The following PTK2 variants were observed in gnomAD, a reference collection of about 807,000 sequenced individuals.
PTK2 encodes focal adhesion kinase 1.
A neutral mutation model predicts 150.1 loss-of-function variants in PTK2; 45 were observed. The observed-to-expected ratio is 0.30, with a 90% CI of 0.24 to 0.38. The LOEUF is 0.38. Ranked by LOEUF, PTK2 falls within the 10% of genes least tolerant of loss-of-function variation. The pLI, the probability that PTK2 is intolerant of heterozygous loss-of-function variation, is 1.00. For synonymous variants in PTK2, 432 were observed against 449.2 expected (o/e 0.96, Z 0.48); for missense variants, 919 against 1,307.3 (o/e 0.70, Z 4.58).
chr8:140,696,641 T>C (rs1444130662), intron 26 of PTK2, among the ~76,000 whole-genome samples: 1 of 151,820 alleles, frequency 6.6e-6, no homozygotes, highest in Admixed American at 6.6e-5. Context: ...GACAAAAAGG[T>C]GTTCCTCAGG....
intron 13 of PTK2, 114 bp from the exon 14 acceptor site, chr8:140,789,640 G>C: frequency 1.1e-6 from 1 of 906,694 alleles, no homozygotes; most frequent in Non-Finnish European, 1.7e-6. Context: ...TTAGATACGT[G>C]ATTTCTTTAA....
intron 12 of PTK2, among the ~76,000 whole-genome samples, chr8:140,796,361 A>T (rs540488267): frequency 1.3e-5 from 2 of 152,164 alleles, no homozygotes; most frequent in Non-Finnish European, 2.9e-5. Flanking sequence ...CCAAATTTAG[A>T]GTAACTGAAA....
intron 27 of PTK2, 80 bp from the exon 31 acceptor site, chr8:140,675,579 A>C: frequency 9.8e-7 from 1 of 1,023,414 alleles, no homozygotes; most frequent in Non-Finnish European, 1.5e-6. Flanking sequence ...CTGTCTATCC[A>C]CCCCCTTGAA....
intron 1 of PTK2, among the ~76,000 whole-genome samples, chr8:140,950,539 G>A (rs559415591): frequency 5.4e-4 from 82 of 152,318 alleles, no homozygotes; most frequent in African/African-American, 1.5e-3. Flanking sequence ...ACAGCTCTGC[G>A]CCTGGCTCGC....
intron 11 of PTK2, among the ~76,000 whole-genome samples, chr8:140,801,657 A>G (rs986962909): frequency 6.6e-6 from 1 of 152,220 alleles, no homozygotes; most frequent in Non-Finnish European, 1.5e-5. Context: ...TGTGCCCAGT[A>G]TCAGGTACTG....
rs184212428 is a variant in PTK2, at chr8:140,698,474, G to A, written c.2499+2417C>T. 4.6e-5 allele frequency among the ~76,000 whole-genome samples: 7 copies of A among 152,094 alleles called. No homozygotes were observed. In the East Asian group the frequency reaches 1.4e-3, roughly 29 times the overall value. ...ATAACATATTTTTTCTTTTTTTCCA[G>A]ACAGAGTCTGACTCTGTCACCCAGG... On this transcript the variant is annotated intron_variant, in intron 26 of 31. Coordinates refer to ENST00000522684, the Ensembl canonical transcript of PTK2.
intron 2 of PTK2, among the ~76,000 whole-genome samples, chr8:140,907,345 T>A (rs2100161352): frequency 6.6e-6 from 1 of 152,190 alleles, no homozygotes; most frequent in South Asian, 2.1e-4. Flanking sequence ...TGGTTGAACA[T>A]CCCAAATAAG....
chr8:140,662,375 G>A (rs1369574235), intron 31 of PTK2, among the ~76,000 whole-genome samples: 2 of 152,018 alleles, frequency 1.3e-5, no homozygotes, highest in African/African-American at 4.8e-5. Context: ...GAGATGAAAA[G>A]ATTACTTTAG....
At chr8:140,768,829 T>C (rs2100073906) in intron 14 of PTK2, among the ~76,000 whole-genome samples, 1 of 152,208 alleles carries the variant, frequency 6.6e-6, no homozygotes, top group Non-Finnish European at 1.5e-5. Context: ...GACCTTTTAC[T>C]GAAACTGCTT....
chr8:140,762,489 T>C lies in PTK2; in HGVS notation c.1235-1227A>G, dbSNP rs567235394. 36 of 440,164 alleles carry C rather than the reference T, an allele frequency of 8.2e-5. No individual in the cohort carries two copies. The Middle Eastern group carries it at 1.5e-3, about 18-fold the overall frequency. The allele number at this position is 440,164 out of a possible 1,614,324, so 27.3% of individuals were successfully genotyped here. On this transcript the variant is annotated intron_variant, in intron 15 of 31. Transcript: ENST00000522684. Reference sequence around the variant, plus strand: ...AAACTTGAAGAGAATATTTCAACAATACTTAATTTTTAAAATATTTTAAGC... The same window carrying C: ...AAACTTGAAGAGAATATTTCAACAACACTTAATTTTTAAAATATTTTAAGC...
chr8:140,963,574 G>T (rs1459901894), intron 1 of PTK2, among the ~76,000 whole-genome samples: 1 of 152,106 alleles, frequency 6.6e-6, no homozygotes, highest in East Asian at 1.9e-4. Context: ...CTTTATTACA[G>T]TGCCCCCTTC....
intron 24 of PTK2, among the ~76,000 whole-genome samples, chr8:140,703,912 CG>C (rs1427688383): frequency 1.5e-4 from 23 of 152,074 alleles, no homozygotes; most frequent in Non-Finnish European, 4.4e-5. Context: ...CAGCCAAAAC[CG>C]TATTTCCAAA....
chr8:140,969,219 C>T (rs2100186378), intron 1 of PTK2, among the ~76,000 whole-genome samples: 2 of 152,020 alleles, frequency 1.3e-5, no homozygotes, highest in South Asian at 4.2e-4. Flanking sequence ...TCCAAAAAGT[C>T]GGGGATACAA....
intron 5 of PTK2, among the ~76,000 whole-genome samples, chr8:140,850,163 C>T (rs956891407): frequency 6.6e-6 from 1 of 152,150 alleles, no homozygotes; most frequent in Non-Finnish European, 1.5e-5. Context: ...CAGTGGCTCA[C>T]GCCTGTAATC....
chr8:140,903,850 C>G lies in PTK2; in HGVS notation c.-32-13081G>C, dbSNP rs925717949. The stretch of plus-strand genomic sequence containing the variant: ...TAATTTTTGCACATTGATTTTGAAC[C>G]CTGAGATTTTGCTGAAGTTGCTTAT... On this transcript the variant is annotated intron_variant, in intron 2 of 31. Transcript: ENST00000522684. 5.3e-5 allele frequency among the ~76,000 whole-genome samples: 8 copies of G among 151,942 alleles called. No homozygotes were observed. The East Asian group carries it at 9.6e-4, about 18-fold the overall frequency.
chr8:140,864,832 T>A (rs1219052430), intron 4 of PTK2, among the ~76,000 whole-genome samples: 1 of 152,252 alleles, frequency 6.6e-6, no homozygotes, highest in Non-Finnish European at 1.5e-5. Flanking sequence ...ATGCTCTTTA[T>A]CTTTCTCATT....
chr8:140,788,024 A>T (rs962986603), intron 14 of PTK2, among the ~76,000 whole-genome samples: 1 of 152,182 alleles, frequency 6.6e-6, no homozygotes, highest in Non-Finnish European at 1.5e-5. Context: ...GGGCCTGGCA[A>T]GTTTGCCAAT....
At chr8:140,966,530 T>A (rs776518312) in intron 1 of PTK2, among the ~76,000 whole-genome samples, 16 of 152,208 alleles carry the variant, frequency 1.1e-4, no homozygotes, top group Non-Finnish European at 2.1e-4. Context: ...CATGATTTAA[T>A]CCATCTTTAC....
intron 22 of PTK2, among the ~76,000 whole-genome samples, chr8:140,720,819 T>C (rs1001825591): frequency 1.3e-5 from 2 of 152,222 alleles, no homozygotes; most frequent in Non-Finnish European, 2.9e-5. Flanking sequence ...AGTGGCACGA[T>C]CTCAGCTCAC....
Sources: gnomAD v4.1 joint callset for allele counts (sites outside exome capture counted in the v4.1 genomes callset) on GRCh38, gnomAD v4.1.1 for gene constraint, MANE v1.5 for transcripts, NCBI Gene and HGNC (gene_info 2026-07-23, HGNC 2026-07-21) for gene names.